The following CTNNA2 variants were observed in gnomAD, a reference collection of about 807,000 sequenced individuals.
CTNNA2 encodes the protein catenin alpha 2.
A neutral mutation model predicts 101.0 loss-of-function variants in CTNNA2; 42 were observed. The observed-to-expected ratio is 0.42, with a 90% CI of 0.32 to 0.54. The LOEUF is 0.54. CTNNA2 is among the 20% of genes least tolerant of loss of function. The pLI is 0.14. For missense variants in CTNNA2, 871 were observed against 1,223.1 expected (o/e 0.71, Z 4.29); for synonymous variants, 450 against 456.4 (o/e 0.99, Z 0.18).
rs554016295 is a variant in CTNNA2, at chr2:79,695,024, A to T, written c.102+43366A>T. Among the ~76,000 whole-genome samples, 253 of 139,562 alleles carry T rather than the reference A, an allele frequency of 1.8e-3. 1 individual carries two copies. Among genetic ancestry groups the T allele is most frequent in the South Asian group, 0.012 (54 of 4,416 alleles). The allele number at this position is 139,562 out of a possible 152,430, so 91.6% of individuals were successfully genotyped here. On this transcript the variant is annotated intron_variant, in intron 2 of 18. Coordinates refer to ENST00000402739, the MANE Select transcript of CTNNA2 (RefSeq NM_001282597.3). ...AAGGCCGTATGAAACCAAGCCTTAC[A>T]TTTTTTTTTTTTTGGGGTATTATGT...
rs576662671 is a variant in CTNNA2, at chr2:79,230,490, T to G, written c.-406+32414T>G. Among the ~76,000 whole-genome samples the G allele has an allele frequency of 3.9e-5, 6 of 152,310 alleles. No homozygotes were observed. In the South Asian group the frequency reaches 1.2e-3, roughly 32 times the overall value. The stretch of plus-strand genomic sequence containing the variant: ...CTCCACCCAGATTTCAGAAGATGTA[T>G]GGAAACACCTGGATAACCAGGCAAA... On this transcript the variant is annotated intron_variant, in intron 2 of 21. Transcript: ENST00000466387.
At chr2:79,312,347 G>C (rs1212531350) in intron 2 of CTNNA2, among the ~76,000 whole-genome samples, 1 of 152,174 alleles carries the variant, frequency 6.6e-6, no homozygotes, top group Non-Finnish European at 1.5e-5. Flanking sequence ...TACTTGTGAA[G>C]TGAACTGTGT....
intron 3 of CTNNA2, among the ~76,000 whole-genome samples, chr2:79,359,454 C>T (rs1486837365): frequency 2.0e-5 from 3 of 152,138 alleles, no homozygotes; most frequent in Admixed American, 6.5e-5. Context: ...CTTTCTGTTG[C>T]CTTTCTTCCA....
intron 7 of CTNNA2, among the ~76,000 whole-genome samples, chr2:80,233,346 C>T (rs903448089): frequency 2.0e-5 from 3 of 151,878 alleles, no homozygotes; most frequent in Non-Finnish European, 4.4e-5. Context: ...CTGGAAGTGT[C>T]GATTTGAGAC....
At chr2:80,641,774 A>C (rs1487348001) in intron 18 of CTNNA2, among the ~76,000 whole-genome samples, 1 of 134,198 alleles carries the variant, frequency 7.5e-6, no homozygotes, top group Non-Finnish European at 1.7e-5. Context: ...AGATTATTAA[A>C]AATATCTTAG....
chr2:80,485,225 G>C (rs1026312489), intron 9 of CTNNA2, among the ~76,000 whole-genome samples: 1 of 152,048 alleles, frequency 6.6e-6, no homozygotes, highest in Non-Finnish European at 1.5e-5. Flanking sequence ...AGGAAACTTT[G>C]ATCAGAATAT....
intron 2 of CTNNA2, among the ~76,000 whole-genome samples, chr2:79,705,222 C>A (rs1232539833): frequency 6.6e-6 from 1 of 152,142 alleles, no homozygotes; most frequent in Non-Finnish European, 1.5e-5. Flanking sequence ...ACAGTAGTTA[C>A]CCCCTTATCC....
intron 3 of CTNNA2, among the ~76,000 whole-genome samples, chr2:79,745,440 A>T (rs35096793): frequency 0.15 from 22,595 of 151,712 alleles, 1,961 homozygotes; most frequent in Non-Finnish European, 0.2. Context: ...CTTAAAAAAA[A>T]AAAATAAAAT....
chr2:79,629,846 TG>T (rs1679570799), intron 1 of CTNNA2, among the ~76,000 whole-genome samples: 1 of 152,178 alleles, frequency 6.6e-6, no homozygotes, highest in Admixed American at 6.5e-5. Context: ...CTGGAGAGGC[TG>T]TCCCTCCAGA....
At chr2:79,754,147 C>T (rs1294578621) in intron 3 of CTNNA2, among the ~76,000 whole-genome samples, 1 of 152,026 alleles carries the variant, frequency 6.6e-6, no homozygotes, top group Non-Finnish European at 1.5e-5. Flanking sequence ...GATTACAGGC[C>T]TCAGCCACTG....
chr2:79,236,640 C>A lies in CTNNA2; in HGVS notation c.-406+38564C>A, dbSNP rs192012917. ...CAAAATTGGAGTCAGCTCTCCCAAA[C>A]CCTGACACTATTTTATCAAGTAAGT... is the stretch of plus-strand genomic sequence containing the variant. On this transcript the variant is annotated intron_variant, in intron 2 of 21. Coordinates refer to the CTNNA2 transcript ENST00000466387. Among the ~76,000 whole-genome samples, 180 of 152,312 alleles carry A rather than the reference C, an allele frequency of 1.2e-3. 3 individuals are homozygous for A. Among genetic ancestry groups the A allele is most frequent in the South Asian group, 9.1e-3 (44 of 4,822 alleles).
At chr2:79,573,956 G>A (rs931504023) in intron 1 of CTNNA2, 12 of 166,748 alleles carry the variant, frequency 7.2e-5, no homozygotes, top group Non-Finnish European at 1.3e-5. Context: ...TCTCAAGCAA[G>A]ATTGTCTTGT....
chr2:80,122,223 T>C (rs1159753907), intron 7 of CTNNA2, among the ~76,000 whole-genome samples: 2 of 151,492 alleles, frequency 1.3e-5, no homozygotes, highest in Admixed American at 6.6e-5. Context: ...TATTTCTTTG[T>C]CTCTGCCTCT....
chr2:79,483,392 C>T lies in CTNNA2; in HGVS notation c.-134-21662C>T, dbSNP rs62141411. 9.1e-3 allele frequency among the ~76,000 whole-genome samples: 1,388 copies of T among 152,304 alleles called. 11 individuals carry two copies. Among genetic ancestry groups the T allele is most frequent in the South Asian group, 0.013 (63 of 4,830 alleles). On this transcript the variant is annotated intron_variant, in intron 4 of 21. Transcript: ENST00000466387. Reference sequence around the variant, plus strand: ...TCTACAGATCAGAAAAGGGGCACATCATTGCCAGCTCCTCTTCTTTAGGTT... The same window carrying T: ...TCTACAGATCAGAAAAGGGGCACATTATTGCCAGCTCCTCTTCTTTAGGTT...
intron 7 of CTNNA2, among the ~76,000 whole-genome samples, chr2:80,138,879 C>A (rs956283082): frequency 6.6e-6 from 1 of 151,990 alleles, no homozygotes; most frequent in African/African-American, 2.4e-5. Context: ...TAAAAAATAC[C>A]AAGATGTGTC....
In CTNNA2 at chr2:80,192,803, G is replaced by A. The variant is rs138996584; in HGVS notation, c.1057-200408G>A. Reference sequence around the variant, plus strand: ...GATGGGATTACAGGCGCGAGCCACCGCACCCGTGCACTAATCTGTAAACTT... The same window carrying A: ...GATGGGATTACAGGCGCGAGCCACCACACCCGTGCACTAATCTGTAAACTT... On this transcript the variant is annotated intron_variant, in intron 7 of 18. Transcript: ENST00000402739. 3.6e-4 allele frequency among the ~76,000 whole-genome samples: 55 copies of A among 152,292 alleles called. No individual in the cohort carries two copies. In the East Asian group the frequency reaches 7.6e-3, roughly 21 times the overall value.
At chr2:79,628,466 G>A (rs1679469067) in intron 1 of CTNNA2, among the ~76,000 whole-genome samples, 1 of 150,864 alleles carries the variant, frequency 6.6e-6, no homozygotes, top group Admixed American at 6.6e-5. Context: ...AAAAAAAATT[G>A]TTGAATTTGC....
intron 12 of CTNNA2, among the ~76,000 whole-genome samples, chr2:80,565,520 C>CT (rs57112998): frequency 0.019 from 2,780 of 145,568 alleles, 81 homozygotes; most frequent in African/African-American, 0.058. Context: ...TTATGCTCAC[C>CT]TTTTTTTTTT....
chr2:79,978,201 A>G (rs1372364491), intron 7 of CTNNA2, among the ~76,000 whole-genome samples: 1 of 152,178 alleles, frequency 6.6e-6, no homozygotes, highest in African/African-American at 2.4e-5. Flanking sequence ...ATACTAAGAC[A>G]TTCGGGCCAT....
Sources: gnomAD v4.1 joint callset for allele counts (sites outside exome capture counted in the v4.1 genomes callset) on GRCh38, gnomAD v4.1.1 for gene constraint, MANE v1.5 for transcripts, NCBI Gene and HGNC (gene_info 2026-07-23, HGNC 2026-07-21) for gene names.